MCM5: variants seen among roughly 807,000 people sequenced by gnomAD.
The protein encoded by MCM5 is minichromosome maintenance complex component 5, also known as DNA replication licensing factor MCM5.
A neutral mutation model predicts 79.9 loss-of-function variants in MCM5; 46 were observed. That is an observed-to-expected ratio of 0.58 (90% confidence interval 0.45 to 0.74). The LOEUF (loss-of-function observed/expected upper bound fraction) is 0.74, where lower values mean the gene tolerates loss of function less well. Among genes scored for constraint, MCM5 ranks in the 30% least tolerant of loss-of-function variants. MCM5 has a pLI of 0.00. For missense variants in MCM5, 883 were observed against 1,017.0 expected, an observed-to-expected ratio of 0.87 and a Z score of 1.79; for synonymous variants, 404 against 390.5, an observed-to-expected ratio of 1.03 and a Z score of -0.41.
At chr22:35,438,667 A>G in the MCM5 span, among the ~76,000 whole-genome samples, 1 of 37,730 alleles carries the variant, frequency 2.7e-5, no homozygotes, top group Non-Finnish European at 5.5e-5. Context: ...GTCCATCCAC[A>G]TATTCACCCA....
In MCM5 at chr22:35,408,405, C is replaced by T; in HGVS notation, c.597-3C>T. The T allele has an allele frequency of 6.2e-7, 1 of 1,613,392 alleles. No homozygotes were observed. The highest frequency in any genetic ancestry group is 1.1e-5 in the South Asian group (1 of 91,052). ...GGTGACTCTTTTCCCTTACCTTGTA[C>T]AGAGATCAGGCTGGGCGCCCCAAAT... On this transcript the variant is annotated splice_region_variant and splice_polypyrimidine_tract_variant and intron_variant, in intron 5 of 16. Coordinates refer to ENST00000216122, the MANE Select transcript of MCM5 (RefSeq NM_006739.4).
At chr22:35,430,890 C>CT in the MCM5 span, among the ~76,000 whole-genome samples, 12 of 149,912 alleles carry the variant, frequency 8.0e-5, no homozygotes, top group East Asian at 7.9e-4. Context: ...TAGCTTTGGT[C>CT]TTTTTAAAAA....
At chr22:35,401,941 G>A in intron 2 of MCM5, 1 of 341,686 alleles carries the variant, frequency 2.9e-6, no homozygotes, top group Non-Finnish European at 5.8e-6. Flanking sequence ...GAGGTGTGGG[G>A]TGTCCTCACA....
chr22:35,419,890 T>C lies in MCM5; in HGVS notation c.1710T>C (p.Cys570=). The part of the protein sequence containing the change: ...KKFIAYCRVK[C]GPRLSAEAAE... ...TCTCCCCACTGTCCTGCAGGAAGTG[T>C]GGCCCCCGGCTGTCAGCAGAGGCTG... The change falls in exon 14 of 17, where the codon TGT becomes TGC. Residue 570 remains cysteine (C), a synonymous_variant. Coordinates refer to ENST00000216122, the MANE Select transcript of MCM5 (RefSeq NM_006739.4). 1 of 1,611,446 alleles carries C rather than the reference T, an allele frequency of 6.2e-7. No individual in the cohort carries two copies. Among genetic ancestry groups the C allele is most frequent in the Non-Finnish European group, 8.5e-7 (1 of 1,178,590 alleles).
At chr22:35,406,816 T>C in intron 5 of MCM5, 91 bp downstream of exon 5, 1 of 1,369,496 alleles carries the variant, frequency 7.3e-7, no homozygotes, top group Non-Finnish European at 1.0e-6. Flanking sequence ...CTGCAGCTGC[T>C]TCTAGAGATC....
downstream of MCM5, among the ~76,000 whole-genome samples, chr22:35,427,583 A>G (rs768651808): frequency 2.1e-5 from 3 of 143,858 alleles, no homozygotes; most frequent in Non-Finnish European, 4.5e-5. Context: ...TTTTTGGGGT[A>G]CATGTGCAGA....
At position 35,416,656 on chromosome 22, in the gene MCM5, C is replaced by T; in HGVS notation, c.1432C>T (p.Leu478=). 1 of 1,614,012 alleles carries T rather than the reference C, an allele frequency of 6.2e-7. No homozygotes were observed. The highest frequency in any genetic ancestry group is 8.5e-7 in the Non-Finnish European group (1 of 1,179,980). Residue 478 remains leucine, a synonymous_variant, in exon 12 of 17, where the codon CTG becomes TTG. Coordinates refer to ENST00000216122, the MANE Select transcript of MCM5 (RefSeq NM_006739.4). ...CTGTTAGGCTGGGATCACCACCACC[C>T]TGAACTCCCGCTGCTCCGTCCTGGC... is the stretch of plus-strand genomic sequence containing the variant. ...SIAKAGITTT[L]NSRCSVLAAA...
At chr22:35,444,261 T>G in the MCM5 span, among the ~76,000 whole-genome samples, 3 of 135,378 alleles carry the variant, frequency 2.2e-5, no homozygotes, top group African/African-American at 5.7e-5. Context: ...AATTAATGGG[T>G]GAGAGAGGTG....
chr22:35,400,737 A>G (rs1932020522), intron 2 of MCM5, 132 bp downstream of exon 2: 1 of 952,090 alleles, frequency 1.1e-6, no homozygotes, highest in Non-Finnish European at 1.5e-6. Flanking sequence ...CCTGGGTCAC[A>G]GGGCTCATCC....
chr22:35,441,644 T>G, the MCM5 span, among the ~76,000 whole-genome samples: 1 of 151,844 alleles, frequency 6.6e-6, no homozygotes, highest in South Asian at 2.1e-4. Context: ...AGGTGAGGGA[T>G]GGAAGGGCAG....
intron 11 of MCM5, 60 bp downstream of exon 11, chr22:35,416,464 C>T: frequency 6.4e-7 from 1 of 1,567,420 alleles, no homozygotes; most frequent in Non-Finnish European, 8.7e-7. Context: ...CAACCGTCCT[C>T]AGGCTGCCCT....
chr22:35,453,801 T>TAG, the MCM5 span, among the ~76,000 whole-genome samples: 8 of 86,076 alleles, frequency 9.3e-5, no homozygotes, highest in South Asian at 1.7e-3. Context: ...AGACAAAAGA[T>TAG]ATATATATAT....
At chr22:35,434,274 C>CT in the MCM5 span, among the ~76,000 whole-genome samples, 11 of 152,096 alleles carry the variant, frequency 7.2e-5, no homozygotes, top group African/African-American at 2.4e-4. Context: ...AAAAAAAGCC[C>CT]TTTTTTTCCC....
At chr22:35,403,071 G>A (rs1025197461) in intron 2 of MCM5, 136 bp from the exon 3 acceptor site, 5 of 1,023,842 alleles carry the variant, frequency 4.9e-6, no homozygotes, top group Middle Eastern at 2.6e-4. Flanking sequence ...AATTAGATGT[G>A]TGTTTGGGAA....
At chr22:35,449,210 G>A in the MCM5 span, among the ~76,000 whole-genome samples, 28 of 152,176 alleles carry the variant, frequency 1.8e-4, no homozygotes, top group Non-Finnish European at 1.2e-4. Context: ...TCTCTGAGCC[G>A]CTGTCACTCA....
At chr22:35,450,534 G>A in the MCM5 span, among the ~76,000 whole-genome samples, 1 of 152,074 alleles carries the variant, frequency 6.6e-6, no homozygotes, top group Admixed American at 6.6e-5. Flanking sequence ...TGGTTTCTAC[G>A]TTGCCACCCT....
At chr22:35,433,998 T>G in the MCM5 span, among the ~76,000 whole-genome samples, 1 of 152,374 alleles carries the variant, frequency 6.6e-6, no homozygotes, top group East Asian at 1.9e-4. Flanking sequence ...ATGGAAATCC[T>G]GCCATTGAAT....
chr22:35,437,164 T>C, the MCM5 span, among the ~76,000 whole-genome samples: 1 of 152,214 alleles, frequency 6.6e-6, no homozygotes, highest in Non-Finnish European at 1.5e-5. Flanking sequence ...TGGCTGGGAA[T>C]TGACCAGGGC....
chr22:35,446,553 G>T, the MCM5 span, among the ~76,000 whole-genome samples: 16 of 152,124 alleles, frequency 1.1e-4, no homozygotes, highest in African/African-American at 2.9e-4. Context: ...TCACAGTCTC[G>T]TGGGCGAGGC....
Sources: allele counts gnomAD v4.1 joint callset (sites outside exome capture counted in the v4.1 genomes callset), GRCh38; gene constraint gnomAD v4.1.1; transcripts MANE v1.5; gene names NCBI Gene and HGNC (gene_info 2026-07-23, HGNC 2026-07-21).